Variants in LRRC7 observed in about 807,000 individuals in gnomAD.
LRRC7 encodes the protein leucine rich repeat containing 7.
In LRRC7, 23 loss-of-function variants were observed where a neutral mutation model predicts 175.7. That is an observed-to-expected ratio of 0.13 (90% confidence interval 0.09 to 0.19). The LOEUF is 0.19. Among genes scored for constraint, LRRC7 ranks in the 10% least tolerant of loss-of-function variants. The pLI is 1.00. For synonymous variants in LRRC7, 685 were observed against 680.9 expected (o/e 1.01, Z -0.09); for missense variants, 1,354 against 1,904.7 (o/e 0.71, Z 5.38).
At chr1:69,726,904 G>T (rs557331677) in intron 2 of LRRC7, among the ~76,000 whole-genome samples, 14 of 152,294 alleles carry the variant, frequency 9.2e-5, no homozygotes, top group African/African-American at 3.4e-4. Flanking sequence ...TTATAACCAT[G>T]TAGGTTAAGC....
chr1:69,692,507 TC>T (rs1340536632), intron 2 of LRRC7, among the ~76,000 whole-genome samples: 1 of 152,148 alleles, frequency 6.6e-6, no homozygotes. Context: ...CCCTACTTTT[TC>T]GTGGGTCCTT....
intron 1 of LRRC7, among the ~76,000 whole-genome samples, chr1:69,615,654 T>C (rs1649489957): frequency 6.6e-6 from 1 of 152,042 alleles, no homozygotes; most frequent in African/African-American, 2.4e-5. Context: ...ATACATGCAA[T>C]TTTATATACA....
intron 1 of LRRC7, among the ~76,000 whole-genome samples, chr1:69,646,728 A>G (rs1320684777): frequency 6.6e-6 from 1 of 152,134 alleles, no homozygotes. Context: ...AAAAATCTGT[A>G]TCAATTTAAA....
At chr1:69,921,883 A>G (rs992952555) in intron 7 of LRRC7, among the ~76,000 whole-genome samples, 3 of 151,788 alleles carry the variant, frequency 2.0e-5, no homozygotes, top group African/African-American at 4.8e-5. Flanking sequence ...ACTACTTCCT[A>G]CCATTTTTCT....
At chr1:69,928,664 A>C (rs1232768804) in intron 7 of LRRC7, among the ~76,000 whole-genome samples, 2 of 152,190 alleles carry the variant, frequency 1.3e-5, no homozygotes, top group African/African-American at 2.4e-5. Context: ...ATTGGAAAAG[A>C]GCAGTATTAG....
Position 70,039,314 on chromosome 1 carries a change from G to A in LRRC7, c.3490G>A (p.Ala1164Thr), listed in dbSNP as rs776536630. 1.1e-5 allele frequency: 18 copies of A among 1,613,880 alleles called. No homozygotes were observed. Among genetic ancestry groups the A allele is most frequent in the African/African-American group, 2.7e-5 (2 of 74,942 alleles). ...ADSLVSATEMAMFRRVNEPHE... is the reference protein window; with the variant it reads ...ADSLVSATEMTMFRRVNEPHE... ...CTCCCTGGTGAGCGCCACAGAAATGGCCATGTTTAGAAGGGTCAATGAGCC... is the reference window on the plus strand; with the variant it reads ...CTCCCTGGTGAGCGCCACAGAAATGACCATGTTTAGAAGGGTCAATGAGCC... The change falls in exon 21 of 27, where the codon GCC becomes ACC. Residue 1164 changes from alanine to threonine, a missense_variant. Around this residue, in one of 4 missense-constraint regions of LRRC7, gnomAD observed 1,032 missense variants for 1,227.2 expected, o/e 0.84. Coordinates refer to ENST00000651989, the MANE Select transcript of LRRC7 (RefSeq NM_001370785.2).
rs189451345 is a variant in LRRC7, at chr1:70,003,242, T to G, written c.1005-8555T>G. Among the ~76,000 whole-genome samples, 23 of 152,276 alleles carry G rather than the reference T, an allele frequency of 1.5e-4. No individual in the cohort carries two copies. In the East Asian group the frequency reaches 2.7e-3, roughly 18 times the overall value. ...TCATGAGGGCCCCACCCTTATGACT[T>G]TATCCAACTCTAAATTACCTCCCTA... On this transcript the variant is annotated intron_variant, in intron 11 of 26. Transcript: ENST00000651989.
chr1:69,867,636 G>A (rs1331102094), intron 7 of LRRC7, among the ~76,000 whole-genome samples: 1 of 152,130 alleles, frequency 6.6e-6, no homozygotes, highest in Non-Finnish European at 1.5e-5. Flanking sequence ...TAAATCAATG[G>A]CAGTGGAATG....
chr1:69,712,819 G>A (rs1302504700), intron 2 of LRRC7, among the ~76,000 whole-genome samples: 1 of 152,126 alleles, frequency 6.6e-6, no homozygotes, highest in African/African-American at 2.4e-5. Flanking sequence ...ATGAAGGAGT[G>A]GGGTGATGAT....
intron 1 of LRRC7, among the ~76,000 whole-genome samples, chr1:69,656,651 T>C (rs1656649922): frequency 6.6e-6 from 1 of 152,014 alleles, no homozygotes; most frequent in Non-Finnish European, 1.5e-5. Context: ...ATATGTTTAT[T>C]TAACATTCGT....
intron 1 of LRRC7, among the ~76,000 whole-genome samples, chr1:69,571,374 TC>T (rs1332505125): frequency 1.3e-5 from 2 of 152,222 alleles, no homozygotes; most frequent in Non-Finnish European, 2.9e-5. Context: ...TTTTAATTTT[TC>T]TAATTCCCTT....
intron 1 of LRRC7, among the ~76,000 whole-genome samples, chr1:69,664,476 C>T (rs1459731578): frequency 6.6e-6 from 1 of 152,146 alleles, no homozygotes; most frequent in Non-Finnish European, 1.5e-5. Flanking sequence ...TTTGTTATTT[C>T]CTGACTTTTG....
chr1:69,992,588 C>T (rs919940045), intron 10 of LRRC7, among the ~76,000 whole-genome samples: 7 of 152,268 alleles, frequency 4.6e-5, no homozygotes, highest in Non-Finnish European at 1.0e-4. Flanking sequence ...ACAGAAGCTC[C>T]AGACTCTGTC....
chr1:69,620,509 C>T (rs1406561397), intron 1 of LRRC7, among the ~76,000 whole-genome samples: 1 of 152,164 alleles, frequency 6.6e-6, no homozygotes, highest in Non-Finnish European at 1.5e-5. Flanking sequence ...CAAAATGACA[C>T]ATACCACTCT....
intron 3 of LRRC7, among the ~76,000 whole-genome samples, chr1:69,788,438 A>G (rs1167263498): frequency 6.6e-6 from 1 of 152,210 alleles, no homozygotes. Flanking sequence ...ATTTCTTTTC[A>G]TACCTTTATC....
chr1:69,663,889 T>C (rs1233230917), intron 1 of LRRC7, among the ~76,000 whole-genome samples: 2 of 149,978 alleles, frequency 1.3e-5, no homozygotes, highest in Non-Finnish European at 3.0e-5. Context: ...GCCCGGCTAA[T>C]TTTTTGTATT....
intron 4 of LRRC7, among the ~76,000 whole-genome samples, chr1:69,812,621 G>T (rs1266583157): frequency 6.6e-6 from 1 of 151,968 alleles, no homozygotes; most frequent in African/African-American, 2.4e-5. Flanking sequence ...CATGTTTCCT[G>T]TCTTTATTTC....
chr1:69,570,181 A>C (rs1234931623), intron 1 of LRRC7, among the ~76,000 whole-genome samples: 7 of 152,100 alleles, frequency 4.6e-5, no homozygotes, highest in African/African-American at 1.7e-4. Flanking sequence ...AGAAGAGTGC[A>C]TTCCAGCGAA....
intron 2 of LRRC7, among the ~76,000 whole-genome samples, chr1:69,749,584 C>T (rs983965262): frequency 1.3e-5 from 2 of 152,246 alleles, no homozygotes; most frequent in Non-Finnish European, 2.9e-5. Flanking sequence ...TCTGTAACAT[C>T]AGCTACTGTG....
Sources: allele counts gnomAD v4.1 joint callset (sites outside exome capture counted in the v4.1 genomes callset), GRCh38; gene constraint gnomAD v4.1.1; regional missense constraint gnomAD v4.1.1; transcripts MANE v1.5; gene names NCBI Gene and HGNC (gene_info 2026-07-23, HGNC 2026-07-21).